Variants in GALNT7 observed in about 807,000 individuals in gnomAD.
GALNT7 encodes polypeptide N-acetylgalactosaminyltransferase 7, also known as N-acetylgalactosaminyltransferase 7.
GALNT7 carries 60 observed loss-of-function variants against 82.1 expected under a neutral mutation model. The observed-to-expected ratio is 0.73, with a 90% CI of 0.59 to 0.91. The LOEUF is 0.91. GALNT7 is among the 40% of genes least tolerant of loss of function. The pLI is 0.00. For synonymous variants in GALNT7, 243 were observed against 275.1 expected (o/e 0.88, Z 1.15); for missense variants, 660 against 804.2 (o/e 0.82, Z 2.17).
At chr4:173,309,386 G>T (rs745817669) in intron 8 of GALNT7, among the ~76,000 whole-genome samples, 19 of 152,208 alleles carry the variant, frequency 1.2e-4, no homozygotes, top group Admixed American at 2.6e-4. Flanking sequence ...TAGTGTAGTG[G>T]TGAATGATGA....
chr4:173,247,111 G>T (rs1324009365), intron 1 of GALNT7, among the ~76,000 whole-genome samples: 1 of 151,922 alleles, frequency 6.6e-6, no homozygotes, highest in Non-Finnish European at 1.5e-5. Context: ...TTTTTAAAGT[G>T]ATCAAGGTGA....
chr4:173,264,405 G>T (rs1420353324), intron 2 of GALNT7, among the ~76,000 whole-genome samples: 2 of 152,228 alleles, frequency 1.3e-5, no homozygotes, highest in African/African-American at 4.8e-5. Flanking sequence ...ACACACTGTG[G>T]TGTTGATTCT....
intron 2 of GALNT7, among the ~76,000 whole-genome samples, chr4:173,268,640 C>T (rs1019289844): frequency 2.8e-5 from 4 of 141,582 alleles, no homozygotes; most frequent in African/African-American, 1.0e-4. Context: ...ACGCCATTCT[C>T]CTGCCTCAGC....
Position 173,214,494 on chromosome 4 carries a change from A to C in GALNT7, c.127-33486A>C, listed in dbSNP as rs541819946. ...AGTGTGTTCCAAGAGAAAGAGCAAG[A>C]TCTCTATGATTAGATTGAGTCTACA... On this transcript the variant is annotated intron_variant, in intron 1 of 11. Coordinates refer to ENST00000265000, the MANE Select transcript of GALNT7 (RefSeq NM_017423.3). Among the ~76,000 whole-genome samples the C allele has an allele frequency of 2.0e-5, 3 of 152,314 alleles. No homozygotes were observed. The South Asian group carries it at 6.2e-4, about 32-fold the overall frequency.
intron 1 of GALNT7, among the ~76,000 whole-genome samples, chr4:173,228,829 T>G (rs1412387160): frequency 6.6e-6 from 1 of 152,182 alleles, no homozygotes; most frequent in Non-Finnish European, 1.5e-5. Context: ...ATCACTGCCT[T>G]TTAACTTCCA....
chr4:173,224,993 C>T (rs564087740), intron 1 of GALNT7, among the ~76,000 whole-genome samples: 308 of 149,198 alleles, frequency 2.1e-3, no homozygotes, highest in Non-Finnish European at 3.7e-3. Flanking sequence ...CTAGCCTGGA[C>T]GACAGAGCGA....
At chr4:173,181,745 A>G (rs950322915) in intron 1 of GALNT7, among the ~76,000 whole-genome samples, 2 of 152,372 alleles carry the variant, frequency 1.3e-5, no homozygotes, top group East Asian at 1.9e-4. Context: ...AGCCTGAGAA[A>G]GGAACTGCCG....
Position 173,168,819 on chromosome 4 carries a change from C to T in GALNT7, c.-17C>T. 1 of 1,608,510 alleles carries T rather than the reference C, an allele frequency of 6.2e-7. No homozygotes were observed. The highest frequency in any genetic ancestry group is 8.5e-7 in the Non-Finnish European group (1 of 1,177,450). ...GGCGGCTGCGCCGGGCTGTGAGTCTCTCGCCGCCGGAGGAAGATGAGGCTG... is the reference window on the plus strand; with the variant it reads ...GGCGGCTGCGCCGGGCTGTGAGTCTTTCGCCGCCGGAGGAAGATGAGGCTG... On this transcript the variant is annotated 5_prime_UTR_variant, in exon 1 of 12. Transcript: ENST00000265000.
chr4:173,300,152 C>G (rs1736867754), intron 6 of GALNT7, among the ~76,000 whole-genome samples: 1 of 152,110 alleles, frequency 6.6e-6, no homozygotes. Flanking sequence ...TACAGTGAAT[C>G]AGACAGAAAT....
At position 173,295,844 on chromosome 4, in the gene GALNT7, G is replaced by A; in HGVS notation, c.965+1G>A. ...TTGTAGCTCCCATATCTAAGGACAG[G>A]TAACATTACCTTGCTTTTTTTCTTT... On this transcript the variant is annotated splice_donor_variant, in intron 5 of 11. Transcript: ENST00000265000. LOFTEE classifies it high-confidence loss of function. 1 of 1,560,730 alleles carries A rather than the reference G, an allele frequency of 6.4e-7. No individual in the cohort carries two copies. Among genetic ancestry groups the A allele is most frequent in the Non-Finnish European group, 8.8e-7 (1 of 1,131,498 alleles).
intron 2 of GALNT7, among the ~76,000 whole-genome samples, chr4:173,280,653 G>T (rs996444850): frequency 6.6e-6 from 1 of 152,130 alleles, no homozygotes; most frequent in Admixed American, 6.5e-5. Flanking sequence ...AAGCTTTCTT[G>T]GGAAATGAGA....
chr4:173,276,518 TTAAAA>T (rs1735918169), intron 2 of GALNT7, among the ~76,000 whole-genome samples: 1 of 152,308 alleles, frequency 6.6e-6, no homozygotes, highest in East Asian at 1.9e-4. Context: ...TTTTGTCTAG[TTAAAA>T]TAAAGAATAT....
At chr4:173,256,775 A>C (rs1288812491) in intron 2 of GALNT7, among the ~76,000 whole-genome samples, 2 of 152,196 alleles carry the variant, frequency 1.3e-5, no homozygotes, top group African/African-American at 2.4e-5. Context: ...CATAATATAA[A>C]AGGAAGAATG....
chr4:173,231,518 C>T (rs894300594), intron 1 of GALNT7, among the ~76,000 whole-genome samples: 1 of 152,070 alleles, frequency 6.6e-6, no homozygotes, highest in Non-Finnish European at 1.5e-5. Flanking sequence ...GATTGTGTGA[C>T]TTAATGATGT....
chr4:173,183,187 C>A (rs1279064510), intron 1 of GALNT7, among the ~76,000 whole-genome samples: 1 of 151,792 alleles, frequency 6.6e-6, no homozygotes, highest in African/African-American at 2.4e-5. Context: ...AATAAAATTT[C>A]ATTTCTAAAA....
At chr4:173,171,014 T>A (rs1198271614) in intron 1 of GALNT7, among the ~76,000 whole-genome samples, 1 of 152,204 alleles carries the variant, frequency 6.6e-6, no homozygotes, top group African/African-American at 2.4e-5. Context: ...CCAGTGTAAT[T>A]TCTGTCATTT....
intron 2 of GALNT7, among the ~76,000 whole-genome samples, chr4:173,266,050 G>A (rs1190774612): frequency 6.6e-6 from 1 of 152,110 alleles, no homozygotes; most frequent in Non-Finnish European, 1.5e-5. Flanking sequence ...TTGAGGCCAG[G>A]ATTTCGAGAC....
intron 2 of GALNT7, among the ~76,000 whole-genome samples, chr4:173,283,259 T>C (rs1286315356): frequency 6.6e-6 from 1 of 152,206 alleles, no homozygotes; most frequent in Non-Finnish European, 1.5e-5. Flanking sequence ...TCTGATTATT[T>C]ACATAAGTGC....
At chr4:173,296,415 C>A (rs551031203) in intron 5 of GALNT7, among the ~76,000 whole-genome samples, 35 of 152,078 alleles carry the variant, frequency 2.3e-4, no homozygotes, top group Non-Finnish European at 4.0e-4. Context: ...TGCTTCTAGT[C>A]CATAATTAGG....
Sources: allele counts gnomAD v4.1 joint callset (sites outside exome capture counted in the v4.1 genomes callset), GRCh38; gene constraint gnomAD v4.1.1; transcripts MANE v1.5; gene names NCBI Gene and HGNC (gene_info 2026-07-23, HGNC 2026-07-21).